ZDHHC7: variants seen among roughly 807,000 people sequenced by gnomAD.
ZDHHC7 encodes palmitoyltransferase ZDHHC7.
ZDHHC7 carries 12 observed loss-of-function variants against 34.1 expected under a neutral mutation model. That is an observed-to-expected ratio of 0.35 (90% CI 0.23 to 0.57). The LOEUF is 0.57. ZDHHC7 is among the 20% of genes least tolerant of loss of function. The pLI, the probability that ZDHHC7 is intolerant of heterozygous loss-of-function variation, is 0.84. For missense variants in ZDHHC7, 388 were observed against 402.7 expected (o/e 0.96, Z 0.31); for synonymous variants, 185 against 155.4 (o/e 1.19, Z -1.42).
At chr16:84,983,035 G>A (rs1279502709) in intron 3 of ZDHHC7, among the ~76,000 whole-genome samples, 2 of 152,236 alleles carry the variant, frequency 1.3e-5, no homozygotes, top group African/African-American at 2.4e-5. Context: ...AATTCTGGGA[G>A]CTGTGGCAGG....
At chr16:85,017,932 G>A in the ZDHHC7 span, among the ~76,000 whole-genome samples, 2 of 152,194 alleles carry the variant, frequency 1.3e-5, no homozygotes, top group African/African-American at 2.4e-5. Context: ...ACATTCCTGG[G>A]AAAAGGTGGA....
At chr16:85,014,384 G>A (rs1043285713), upstream of ZDHHC7, among the ~76,000 whole-genome samples, 10 of 152,184 alleles carry the variant, frequency 6.6e-5, no homozygotes, top group African/African-American at 1.4e-4. Flanking sequence ...AATCTGATTC[G>A]TCAAGGTGCT....
At chr16:85,026,527 C>T in the ZDHHC7 span, among the ~76,000 whole-genome samples, 26 of 151,936 alleles carry the variant, frequency 1.7e-4, no homozygotes, top group South Asian at 2.7e-3. Flanking sequence ...CACTGCAGCT[C>T]CCAGCTTTTT....
rs370992129 is a variant in ZDHHC7, at chr16:84,993,392, G to T, written c.-18+2530C>A. Among the ~76,000 whole-genome samples, 35 of 152,238 alleles carry T rather than the reference G, an allele frequency of 2.3e-4. No individual in the cohort carries two copies. The East Asian group carries it at 6.0e-3, about 26-fold the overall frequency. On this transcript the variant is annotated intron_variant, in intron 2 of 7. Transcript: ENST00000313732. ...TACACCTGTAATCTCAGCACTTTAGGAGGCCAAGGTGGGAGGATCTCTTGA... is the reference window on the plus strand; with the variant it reads ...TACACCTGTAATCTCAGCACTTTAGTAGGCCAAGGTGGGAGGATCTCTTGA...
At chr16:85,022,564 G>A in the ZDHHC7 span, among the ~76,000 whole-genome samples, 1 of 152,024 alleles carries the variant, frequency 6.6e-6, no homozygotes, top group South Asian at 2.1e-4. Context: ...AACATTTGGG[G>A]ACCACTATAG....
At chr16:85,002,866 C>T (rs9930457) in intron 1 of ZDHHC7, among the ~76,000 whole-genome samples, 26,190 of 151,434 alleles carry the variant, frequency 0.17, 2,331 homozygotes, top group African/African-American at 0.22. Context: ...AGCGGGGCTG[C>T]GGCGCTGGGA....
upstream of ZDHHC7, among the ~76,000 whole-genome samples, chr16:85,014,273 T>A (rs1231820676): frequency 6.6e-6 from 1 of 152,216 alleles, no homozygotes; most frequent in Non-Finnish European, 1.5e-5. Context: ...AGTCACTGTA[T>A]GGAGTGTAGA....
intron 2 of ZDHHC7, 73 bp from the exon 3 acceptor site, chr16:84,990,708 A>G: frequency 7.6e-7 from 1 of 1,310,446 alleles, no homozygotes; most frequent in Non-Finnish European, 1.0e-6. Flanking sequence ...GATGTGTTAC[A>G]GTTTGTCCTT....
chr16:84,988,951 T>A (rs555314666), intron 3 of ZDHHC7: 15 of 1,361,892 alleles, frequency 1.1e-5, no homozygotes, highest in Middle Eastern at 1.9e-4. Context: ...TCGAAGTGCC[T>A]GGGCACTTTG....
At chr16:84,982,058 G>A (rs982299082) in intron 3 of ZDHHC7, 64 bp from the exon 4 acceptor site, 49 of 1,598,892 alleles carry the variant, frequency 3.1e-5, no homozygotes, top group South Asian at 2.6e-4. Flanking sequence ...CAGGCCGGGC[G>A]CAGTGGGTCA....
At chr16:84,995,832 A>T (rs2072569991) in intron 2 of ZDHHC7, 90 bp downstream of exon 2, 1 of 152,230 alleles carries the variant, frequency 6.6e-6, no homozygotes, top group South Asian at 2.1e-4. Flanking sequence ...GCTTTGCCAC[A>T]TGCACAGGTT....
intron 1 of ZDHHC7, among the ~76,000 whole-genome samples, chr16:85,004,275 C>T (rs1480281275): frequency 1.3e-5 from 2 of 151,968 alleles, no homozygotes; most frequent in Non-Finnish European, 2.9e-5. Flanking sequence ...TGGGGTGCAC[C>T]TCTAAACCTA....
chr16:84,981,198 G>C (rs752595294), intron 4 of ZDHHC7, among the ~76,000 whole-genome samples: 2 of 152,196 alleles, frequency 1.3e-5, no homozygotes, highest in African/African-American at 2.4e-5. Context: ...TGGCAAATGT[G>C]GGGGAAGAGG....
rs1181076679 is a variant in ZDHHC7, at chr16:85,008,872, C to T, written c.-104+2414G>A. On this transcript the variant is annotated intron_variant, in intron 1 of 7. Transcript: ENST00000313732. ...ACCAGCCTGACCAACATGGAGAAAT[C>T]CTGTCTCTACTAAAAATACAAAATT... Among the ~76,000 whole-genome samples the T allele has an allele frequency of 4.6e-5, 7 of 151,728 alleles. No homozygotes were observed. In the East Asian group the frequency reaches 1.4e-3, roughly 29 times the overall value.
chr16:85,017,275 ATT>A, the ZDHHC7 span, among the ~76,000 whole-genome samples: 1 of 152,242 alleles, frequency 6.6e-6, no homozygotes, highest in Non-Finnish European at 1.5e-5. Flanking sequence ...GCTCATTCTC[ATT>A]AGTCATCAGG....
At chr16:85,003,310 G>T (rs1254808482) in intron 1 of ZDHHC7, among the ~76,000 whole-genome samples, 1 of 152,192 alleles carries the variant, frequency 6.6e-6, no homozygotes, top group Non-Finnish European at 1.5e-5. Flanking sequence ...TGCAAACGGG[G>T]CCACATCCCA....
rs1287254745 is a variant in ZDHHC7, at chr16:84,976,302, C to G, written c.*41G>C. On this transcript the variant is annotated 3_prime_UTR_variant, in exon 8 of 8. Coordinates refer to ENST00000313732, the MANE Select transcript of ZDHHC7 (RefSeq NM_017740.3). ...TATCCTTCAGACCCCAAATAAATAA[C>G]TGGAAGTCTGTGAGCAAGTTTCAGT... The G allele has an allele frequency of 3.7e-6, 6 of 1,607,718 alleles. No individual in the cohort carries two copies. Among genetic ancestry groups the G allele is most frequent in the Non-Finnish European group, 5.1e-6 (6 of 1,178,424 alleles).
chr16:85,019,222 C>G, the ZDHHC7 span, among the ~76,000 whole-genome samples: 4 of 152,204 alleles, frequency 2.6e-5, no homozygotes. Context: ...CTGGTTTACT[C>G]CTTGCCACAT....
intron 1 of ZDHHC7, among the ~76,000 whole-genome samples, chr16:84,999,348 A>T (rs28620863): frequency 0.17 from 25,827 of 152,138 alleles, 3,002 homozygotes; most frequent in East Asian, 0.33. Context: ...CCTGTGACTC[A>T]GAGATTCCAC....
Sources: allele counts gnomAD v4.1 joint callset (sites outside exome capture counted in the v4.1 genomes callset), GRCh38; gene constraint gnomAD v4.1.1; transcripts MANE v1.5; gene names NCBI Gene and HGNC (gene_info 2026-07-23, HGNC 2026-07-21).